The following ZFP1 variants were observed in gnomAD, a reference collection of about 807,000 sequenced individuals.
ZFP1 encodes the protein zinc finger protein 1 homolog.
ZFP1 carries 32 observed loss-of-function variants against 38.5 expected under a neutral mutation model. That is an observed-to-expected ratio of 0.83 (90% confidence interval 0.63 to 1.12). ZFP1 has a LOEUF of 1.12. ZFP1 is among the 50% of genes most tolerant of loss of function. The probability of loss-of-function intolerance (pLI) is 0.00; values close to 1 mark genes in which losing one functional copy is unlikely to be tolerated. For synonymous variants in ZFP1, 245 were observed against 168.8 expected, an observed-to-expected ratio of 1.45 and a Z score of -3.50; for missense variants, 616 against 480.8, an observed-to-expected ratio of 1.28 and a Z score of -2.63.
Position 75,166,780 on chromosome 16 carries a change from C to T in ZFP1, c.26C>T (p.Ser9Leu). 2.5e-6 allele frequency: 4 copies of T among 1,614,176 alleles called. No individual in the cohort carries two copies. The highest frequency in any genetic ancestry group is 1.1e-5 in the South Asian group (1 of 91,082). The change falls in exon 3 of 4, where the codon TCA (serine) becomes TTA (leucine). Residue 9 changes from serine (S) to leucine (L), a missense_variant. Coordinates refer to ENST00000570010, the MANE Select transcript of ZFP1 (RefSeq NM_153688.4). MNKSQGSV[S>L]FTDVTVDFTQ... ...AATATGCCATTTCAGGGATCAGTTT[C>T]ATTCACGGATGTGACTGTGGACTTT...
At position 75,169,876 on chromosome 16, in the gene ZFP1, A is replaced by G. The variant is rs757527360; in HGVS notation, c.766A>G (p.Ile256Val). 7 of 1,614,196 alleles carry G rather than the reference A, an allele frequency of 4.3e-6. No homozygotes were observed. In the South Asian group the frequency reaches 4.4e-5, roughly 10 times the overall value. ...AGCTTTCACCCACCAGTCAAACCTCATTGTACACCAGAGAGCACATATGGA... is the reference window on the plus strand; with the variant it reads ...AGCTTTCACCCACCAGTCAAACCTCGTTGTACACCAGAGAGCACATATGGA... ...GKAFTHQSNL[I>V]VHQRAHMEKK... The change falls in exon 4 of 4, where the codon ATT (isoleucine) becomes GTT (valine). Residue 256 changes from isoleucine (I) to valine (V), a missense_variant. Transcript: ENST00000570010.
chr16:75,151,716 C>G (rs1211642599), intron 1 of ZFP1, among the ~76,000 whole-genome samples: 1 of 152,144 alleles, frequency 6.6e-6, no homozygotes, highest in Non-Finnish European at 1.5e-5. Flanking sequence ...GATAATCTTT[C>G]ACAGTGATTA....
chr16:75,146,441 ACAGG>A (rs2036945577), upstream of ZFP1, among the ~76,000 whole-genome samples: 1 of 151,950 alleles, frequency 6.6e-6, no homozygotes, highest in South Asian at 2.1e-4. Flanking sequence ...TGCTGGGATT[ACAGG>A]CGTGAGCCAC....
chr16:75,134,566 C>T, the ZFP1 span, among the ~76,000 whole-genome samples: 1 of 150,104 alleles, frequency 6.7e-6, no homozygotes, highest in African/African-American at 2.5e-5. Flanking sequence ...ACCTGGCTAA[C>T]ATGGTGAAAC....
intron 2 of ZFP1, among the ~76,000 whole-genome samples, chr16:75,161,636 CT>C (rs1162961806): frequency 6.7e-6 from 1 of 149,988 alleles, no homozygotes; most frequent in Non-Finnish European, 1.5e-5. Context: ...AACTCACAGG[CT>C]TTTCTCTTTG....
chr16:75,169,417 C>A lies in ZFP1; in HGVS notation c.307C>A (p.Pro103Thr). 1 of 1,613,716 alleles carries A rather than the reference C, an allele frequency of 6.2e-7. No individual in the cohort carries two copies. The highest frequency in any genetic ancestry group is 8.5e-7 in the Non-Finnish European group (1 of 1,179,932). ...NTDFVSLRQV[P>T]YKYDLYEKTL... ...AGACTTTGTTTCTTTAAGACAAGTACCTTATAAATATGACTTATATGAAAA... is the reference window on the plus strand; with the variant it reads ...AGACTTTGTTTCTTTAAGACAAGTAACTTATAAATATGACTTATATGAAAA... Residue 103 changes from proline (P) to threonine (T), a missense_variant, in exon 4 of 4, where the codon CCT becomes ACT. Pro to Thr is a conservative substitution (Grantham distance 38). Coordinates refer to ENST00000570010, the MANE Select transcript of ZFP1 (RefSeq NM_153688.4).
At chr16:75,130,463 C>G in the ZFP1 span, among the ~76,000 whole-genome samples, 1 of 152,094 alleles carries the variant, frequency 6.6e-6, no homozygotes. Context: ...TGACTTGAGG[C>G]TTTCTTCCCT....
intron 2 of ZFP1, among the ~76,000 whole-genome samples, chr16:75,164,319 A>G (rs1289621458): frequency 6.6e-6 from 1 of 152,006 alleles, no homozygotes; most frequent in East Asian, 1.9e-4. Context: ...GCTTATTTCC[A>G]CCCTTTAAAG....
the ZFP1 span, among the ~76,000 whole-genome samples, chr16:75,138,432 A>C: frequency 6.6e-6 from 1 of 152,178 alleles, no homozygotes; most frequent in South Asian, 2.1e-4. Context: ...TATAGTGGAG[A>C]CACACCTTCA....
At chr16:75,164,203 T>A (rs1250453423) in intron 2 of ZFP1, among the ~76,000 whole-genome samples, 1 of 152,236 alleles carries the variant, frequency 6.6e-6, no homozygotes, top group Non-Finnish European at 1.5e-5. Flanking sequence ...ATTTGCCTCT[T>A]GTAAAAATTA....
rs576049892 is a variant in ZFP1 at position 75,171,943 on chromosome 16, G to C, written c.*1609G>C. The C allele has an allele frequency of 1.3e-5, 2 of 152,074 alleles. No individual in the cohort carries two copies. The highest frequency in any genetic ancestry group is 2.9e-5 in the Non-Finnish European group (2 of 68,024). 9.4% of individuals were successfully genotyped at this position (152,074 alleles called of 1,614,324 possible). Reference sequence around the variant, plus strand: ...ACTCTTACAACCTAGGAATCTCCTGGGAATCTATCCCTAAGGAATAAAAAG... The same window carrying C: ...ACTCTTACAACCTAGGAATCTCCTGCGAATCTATCCCTAAGGAATAAAAAG... On this transcript the variant is annotated 3_prime_UTR_variant, in exon 4 of 4. Transcript: ENST00000570010.
At position 75,170,166 on chromosome 16, in the gene ZFP1, T is replaced by C. The variant is rs2038346422; in HGVS notation, c.1056T>C (p.Tyr352=). ...GAACTCATACAGGAGAGAAACCCTATGAATGTACTGAGTGCGGCAAAACTT... is the reference window on the plus strand; with the variant it reads ...GAACTCATACAGGAGAGAAACCCTACGAATGTACTGAGTGCGGCAAAACTT... ...HMRTHTGEKP[Y]ECTECGKTFS... is the part of the protein sequence containing the mutation. Residue 352 remains tyrosine (Y), a synonymous_variant, in exon 4 of 4, where the codon TAT becomes TAC. Coordinates refer to ENST00000570010, the MANE Select transcript of ZFP1 (RefSeq NM_153688.4). 1 of 1,614,066 alleles carries C rather than the reference T, an allele frequency of 6.2e-7. No individual in the cohort carries two copies. The highest frequency in any genetic ancestry group is 8.5e-7 in the Non-Finnish European group (1 of 1,180,040).
At chr16:75,142,503 G>T in the ZFP1 span, among the ~76,000 whole-genome samples, 2 of 152,096 alleles carry the variant, frequency 1.3e-5, no homozygotes, top group Non-Finnish European at 2.9e-5. Context: ...ATCTACTGTT[G>T]TCACTCACCA....
At chr16:75,123,800 G>A in the ZFP1 span, among the ~76,000 whole-genome samples, 8 of 148,924 alleles carry the variant, frequency 5.4e-5, no homozygotes, top group South Asian at 1.9e-3. Flanking sequence ...CTTAAAAAAA[G>A]TTGTGTCCCA....
Position 75,170,176 on chromosome 16 carries a change from G to C in ZFP1, c.1066G>C (p.Glu356Gln). 1.9e-6 allele frequency: 3 copies of C among 1,614,200 alleles called. No individual in the cohort carries two copies. Among genetic ancestry groups the C allele is most frequent in the Non-Finnish European group, 2.5e-6 (3 of 1,180,044 alleles). Reference protein sequence around the residue: ...HTGEKPYECTECGKTFSQRST... With the variant: ...HTGEKPYECTQCGKTFSQRST... ...AGGAGAGAAACCCTATGAATGTACT[G>C]AGTGCGGCAAAACTTTCAGCCAGAG... The change falls in exon 4 of 4, where the codon GAG (glutamate) becomes CAG (glutamine). Residue 356 changes from glutamate to glutamine, a missense_variant. Glu to Gln is a conservative substitution (Grantham distance 29). Coordinates refer to ENST00000570010, the MANE Select transcript of ZFP1 (RefSeq NM_153688.4).
chr16:75,142,031 A>G, the ZFP1 span, among the ~76,000 whole-genome samples: 1,077 of 146,694 alleles, frequency 7.3e-3, 16 homozygotes, highest in African/African-American at 0.026. Context: ...TCCAGCCTGA[A>G]CAACAGAGCA....
At chr16:75,141,681 A>AT in the ZFP1 span, among the ~76,000 whole-genome samples, 1 of 151,890 alleles carries the variant, frequency 6.6e-6, no homozygotes, top group Non-Finnish European at 1.5e-5. Context: ...GAGACCAGGA[A>AT]TTTGAGACCA....
the ZFP1 span, chr16:75,132,447 A>G: frequency 6.6e-6 from 1 of 151,782 alleles, no homozygotes; most frequent in East Asian, 1.9e-4. Context: ...GGGTGATTGC[A>G]TCCTTGTGGT....
intron 2 of ZFP1, among the ~76,000 whole-genome samples, chr16:75,162,643 A>T (rs976009012): frequency 2.0e-5 from 3 of 152,120 alleles, no homozygotes; most frequent in African/African-American, 7.2e-5. Flanking sequence ...AATAGTACCC[A>T]ATAGTTTTTG....
Sources: allele counts gnomAD v4.1 joint callset (sites outside exome capture counted in the v4.1 genomes callset), GRCh38; gene constraint gnomAD v4.1.1; transcripts MANE v1.5; gene names NCBI Gene and HGNC (gene_info 2026-07-23, HGNC 2026-07-21).